The following INPP5D variants were observed in gnomAD, a reference collection of about 807,000 sequenced individuals.
INPP5D encodes the protein phosphatidylinositol 3,4,5-trisphosphate 5-phosphatase 1.
INPP5D carries 33 observed loss-of-function variants against 122.9 expected under a neutral mutation model. The ratio of observed to expected loss-of-function variants is 0.27; its 90% CI spans 0.20 to 0.36. The LOEUF (loss-of-function observed/expected upper bound fraction) is 0.36. Among genes scored for constraint, INPP5D ranks in the 10% least tolerant of loss-of-function variants. The pLI is 1.00. For synonymous variants in INPP5D, 584 were observed against 576.2 expected (o/e 1.01, Z -0.19); for missense variants, 1,053 against 1,412.7 (o/e 0.75, Z 4.08).
At position 233,160,360 on chromosome 2, in the gene INPP5D, T is replaced by C. The variant is rs1243189466; in HGVS notation, c.1138-1364T>C. On this transcript the variant is annotated intron_variant, in intron 10 of 26. Coordinates refer to ENST00000445964, the MANE Select transcript of INPP5D (RefSeq NM_001017915.3). The surrounding 1 kb of genome is among the most constrained non-coding windows in gnomAD (Gnocchi z 4.2). ...GAGAGGGCCAACTGAGGCTGCTTGG[T>C]GCCCCACTGGGTACCCCAGAAAAAT... Among the ~76,000 whole-genome samples the C allele has an allele frequency of 6.6e-6, 1 of 152,190 alleles. No individual in the cohort carries two copies. The highest frequency in any genetic ancestry group is 1.5e-5 in the Non-Finnish European group (1 of 68,034).
chr2:233,155,669 A>G (rs1217630185), intron 9 of INPP5D, among the ~76,000 whole-genome samples: 1 of 137,214 alleles, frequency 7.3e-6, no homozygotes, highest in Non-Finnish European at 1.6e-5. Context: ...TAATAAATAA[A>G]TAAGACGAGT....
rs781410276 is a variant in INPP5D, at chr2:233,163,873, G to A, written c.1407G>A (p.Leu469=). 2.5e-6 allele frequency: 4 copies of A among 1,613,764 alleles called. No individual in the cohort carries two copies. The highest frequency in any genetic ancestry group is 2.7e-5 in the African/African-American group (2 of 74,916). Residue 469 remains leucine (L), a synonymous_variant, in exon 12 of 27, where the codon CTG becomes CTA. Transcript: ENST00000445964. Reference sequence around the variant, plus strand: ...GGCTGGAGATCCTCAAACACTCCCTGCAAGAAATCACCAGTGTGACTTTTA... The same window carrying A: ...GGCTGGAGATCCTCAAACACTCCCTACAAGAAATCACCAGTGTGACTTTTA... ...KEWLEILKHS[L]QEITSVTFKT... is the part of the protein sequence containing the mutation.
rs191668981 is a variant in INPP5D, at chr2:233,181,832, C to A, written c.2072-578C>A. On this transcript the variant is annotated intron_variant, in intron 18 of 26. Coordinates refer to ENST00000445964, the MANE Select transcript of INPP5D (RefSeq NM_001017915.3). ...ATAAAGTGAGCCAGGCGTGGTGGCT[C>A]ACGTCTGTAATCCCAGCACTTGGGA... 1.5e-3 allele frequency among the ~76,000 whole-genome samples: 230 copies of A among 152,288 alleles called. 2 individuals are homozygous for A. In the East Asian group the frequency reaches 0.024, roughly 16 times the overall value.
chr2:233,080,463 C>CAG lies in INPP5D; in HGVS notation c.198+1083_198+1084dup, dbSNP rs111601408. The stretch of plus-strand genomic sequence containing the variant: ...TGTGTGTGTGTGTGTGTGCACGTGA[C>CAG]AGAGAGAGAGAGAGAGAGATGCTCA... On this transcript the variant is annotated intron_variant, in intron 2 of 26. Coordinates refer to ENST00000445964, the MANE Select transcript of INPP5D (RefSeq NM_001017915.3). 7.2e-3 allele frequency among the ~76,000 whole-genome samples: 1,065 copies of CAG among 148,652 alleles called. 14 individuals carry two copies. Among genetic ancestry groups the CAG allele is most frequent in the African/African-American group, 0.025 (993 of 40,518 alleles).
intron 6 of INPP5D, among the ~76,000 whole-genome samples, chr2:233,144,488 G>A (rs898319417): frequency 5.4e-5 from 8 of 147,484 alleles, no homozygotes; most frequent in African/African-American, 2.0e-4. Flanking sequence ...GATCATGATA[G>A]GACTGGTAGG....
At position 233,204,394 on chromosome 2, in the gene INPP5D, C is replaced by T. The variant is rs1474478891; in HGVS notation, c.3244C>T (p.Arg1082Trp). Residue 1082 changes from arginine to tryptophan, a missense_variant, in exon 26 of 27, where the codon CGG becomes TGG. By Grantham distance (101) the Arg-to-Trp change is moderately radical. Transcript: ENST00000445964. ...GCCCGGCAAGCAGGTGCCCGCGCCC[C>T]GGCTGCGCTCCTTCACGTGCTCATC... ...EGPGKQVPAPRLRSFTCSSSA... is the reference protein window; with the variant it reads ...EGPGKQVPAPWLRSFTCSSSA... The T allele has an allele frequency of 3.1e-6, 5 of 1,610,208 alleles. No homozygotes were observed. Among genetic ancestry groups the T allele is most frequent in the African/African-American group, 1.3e-5 (1 of 74,866 alleles).
intron 4 of INPP5D, among the ~76,000 whole-genome samples, chr2:233,129,526 C>T (rs1693258199): frequency 6.6e-6 from 1 of 152,222 alleles, no homozygotes. Flanking sequence ...GTGCCTCTGC[C>T]ACCAGGGTTG....
rs1251155414 is a variant in INPP5D at position 233,105,224 on chromosome 2, T to A, written c.199-16883T>A. Reference sequence around the variant, plus strand: ...TGGGAGCAGGGGGGCGGTCAGTGGGTCCCAGGGAACTGGGTAGGACAGCAG... The same window carrying A: ...TGGGAGCAGGGGGGCGGTCAGTGGGACCCAGGGAACTGGGTAGGACAGCAG... On this transcript the variant is annotated intron_variant, in intron 2 of 26. Transcript: ENST00000445964. The surrounding 1 kb of genome is among the most constrained non-coding windows in gnomAD (Gnocchi z 4.0). Among the ~76,000 whole-genome samples the A allele has an allele frequency of 6.6e-6, 1 of 152,042 alleles. No homozygotes were observed. The highest frequency in any genetic ancestry group is 1.5e-5 in the Non-Finnish European group (1 of 67,986).
Position 233,170,508 on chromosome 2 carries a change from A to G in INPP5D, c.1804A>G (p.Ile602Val). Residue 602 changes from isoleucine to valine, a missense_variant, in exon 16 of 27, where the codon ATC (isoleucine) becomes GTC (valine). This residue lies in a region of INPP5D where 258 missense variants were observed against 439.1 expected (regional missense o/e 0.59). Transcript: ENST00000445964. This position sits in a 1 kb window ranked among gnomAD's most constrained non-coding sequence, Gnocchi z 4.5. ...VDLPTWEAET[I>V]IQKIKQQQYA... is the part of the protein sequence containing the mutation. ...GTTCTTGTTCCAGGAGGCAGAAACC[A>G]TCATCCAGAAAATCAAGCAGCAGCA... 6.2e-7 allele frequency: 1 copy of G among 1,613,766 alleles called. No individual in the cohort carries two copies. The highest frequency in any genetic ancestry group is 8.5e-7 in the Non-Finnish European group (1 of 1,179,802).
Position 233,158,307 on chromosome 2 carries a change from C to G in INPP5D, c.1031-6C>G. 1 of 700,212 alleles carries G rather than the reference C, an allele frequency of 1.4e-6. No individual in the cohort carries two copies. Among genetic ancestry groups the G allele is most frequent in the Non-Finnish European group, 2.6e-6 (1 of 383,512 alleles). The allele number at this position is 700,212 out of a possible 1,614,324, so 43.4% of individuals were successfully genotyped here. ...GAATGAATTAATGAATTTCTTTTCT[C>G]TTAAGTCCTGCAGCTCATTAAGTCA... On this transcript the variant is annotated splice_polypyrimidine_tract_variant and splice_region_variant and intron_variant, in intron 9 of 26. Coordinates refer to ENST00000445964, the MANE Select transcript of INPP5D (RefSeq NM_001017915.3).
At chr2:233,181,822 C>T (rs1471602846) in intron 18 of INPP5D, among the ~76,000 whole-genome samples, 1 of 152,138 alleles carries the variant, frequency 6.6e-6, no homozygotes, top group African/African-American at 2.4e-5. Context: ...GTGAGCCAGG[C>T]GTGGTGGCTC....
rs1476630330 is a variant in INPP5D at position 233,170,670 on chromosome 2, G to A, written c.1900+66G>A. 13 of 1,576,138 alleles carry A rather than the reference G, an allele frequency of 8.2e-6. No individual in the cohort carries two copies. The highest frequency in any genetic ancestry group is 2.2e-5 in the South Asian group (2 of 89,236). On this transcript the variant is annotated intron_variant, in intron 16 of 26. Coordinates refer to ENST00000445964, the MANE Select transcript of INPP5D (RefSeq NM_001017915.3). This position sits in a 1 kb window ranked among gnomAD's most constrained non-coding sequence, Gnocchi z 4.5. ...TGTAATCCCAGCACTTTAGGAGGCC[G>A]AGGCGGGCGGATCACGAGATCAGGA...
chr2:233,089,391 C>A (rs2106220531), intron 2 of INPP5D, among the ~76,000 whole-genome samples: 1 of 152,338 alleles, frequency 6.6e-6, no homozygotes, highest in South Asian at 2.1e-4. Flanking sequence ...TGAGATAACA[C>A]TGTTTGCCTG....
intron 2 of INPP5D, among the ~76,000 whole-genome samples, chr2:233,098,608 G>A (rs1692215533): frequency 6.6e-6 from 1 of 152,132 alleles, no homozygotes; most frequent in Non-Finnish European, 1.5e-5. Context: ...GAAAAACCAG[G>A]CAGGTCTCTC....
intron 11 of INPP5D, among the ~76,000 whole-genome samples, chr2:233,162,433 A>G (rs1260217584): frequency 1.0e-5 from 1 of 97,002 alleles, no homozygotes; most frequent in Admixed American, 1.0e-4. Flanking sequence ...TATGAATTAT[A>G]CTAAGTAATA....
intron 26 of INPP5D, 117 bp downstream of exon 26, chr2:233,204,834 G>A (rs544760688): frequency 3.8e-5 from 53 of 1,379,900 alleles, no homozygotes; most frequent in African/African-American, 2.1e-4. Flanking sequence ...GCATATGTGC[G>A]TGCATGTGTG....
At position 233,204,625 on chromosome 2, in the gene INPP5D, C is replaced by T; in HGVS notation, c.3475C>T (p.Arg1159Cys). 6.3e-7 allele frequency: 1 copy of T among 1,578,786 alleles called. No individual in the cohort carries two copies. Among genetic ancestry groups the T allele is most frequent in the Non-Finnish European group, 8.6e-7 (1 of 1,164,102 alleles). Residue 1159 changes from arginine to cysteine, a missense_variant, in exon 26 of 27, where the codon CGC becomes TGC. Physicochemically the swap from Arg to Cys is radical, Grantham distance 180. Coordinates refer to ENST00000445964, the MANE Select transcript of INPP5D (RefSeq NM_001017915.3). The part of the protein sequence containing the change: ...AVLHLQHSKG[R>C]DYRDNTELPH... ...GCTGCACCTCCAGCACTCCAAGGGC[C>T]GCGACTACCGCGACAACACCGAGCT...
At chr2:233,070,854 A>G (rs1406574229) in intron 1 of INPP5D, among the ~76,000 whole-genome samples, 1 of 152,238 alleles carries the variant, frequency 6.6e-6, no homozygotes, top group Non-Finnish European at 1.5e-5. Context: ...AATATGTATC[A>G]TGTTTTTAGC....
At chr2:233,102,596 C>A (rs1287435367) in intron 2 of INPP5D, among the ~76,000 whole-genome samples, 1 of 150,768 alleles carries the variant, frequency 6.6e-6, no homozygotes, top group African/African-American at 2.4e-5. Flanking sequence ...CGCCTGTAAT[C>A]CCAGCACTTT....
Sources: gnomAD v4.1 joint callset for allele counts (sites outside exome capture counted in the v4.1 genomes callset) on GRCh38, gnomAD v4.1.1 for gene constraint, gnomAD v4.1.1 regional missense constraint, Gnocchi (gnomAD v3.1) non-coding constraint, MANE v1.5 for transcripts, NCBI Gene and HGNC (gene_info 2026-07-23, HGNC 2026-07-21) for gene names.